DAB1: variants seen among roughly 807,000 people sequenced by gnomAD.
The protein encoded by DAB1 is disabled homolog 1.
Under a neutral mutation model 64.6 loss-of-function variants are expected in DAB1, and 15 were observed. The ratio of observed to expected loss-of-function variants is 0.23; its 90% CI spans 0.16 to 0.36. DAB1 has a LOEUF of 0.36. Among genes scored for constraint, DAB1 ranks in the 10% least tolerant of loss-of-function variants. The probability of loss-of-function intolerance (pLI) is 1.00; values close to 1 mark genes in which losing one functional copy is unlikely to be tolerated. For synonymous variants in DAB1, 235 were observed against 251.9 expected (o/e 0.93, Z 0.64); for missense variants, 596 against 706.7 (o/e 0.84, Z 1.78).
intron 4 of DAB1, among the ~76,000 whole-genome samples, chr1:57,095,752 GGGAA>G (rs1163869061): frequency 6.6e-6 from 1 of 152,088 alleles, no homozygotes; most frequent in Non-Finnish European, 1.5e-5. Flanking sequence ...TAAATAACGT[GGGAA>G]GTAAGGTGGA....
chr1:57,386,390 C>CG (rs1681854278), intron 1 of DAB1, among the ~76,000 whole-genome samples: 2 of 127,110 alleles, frequency 1.6e-5, no homozygotes, highest in South Asian at 5.0e-4. Context: ...AAAAAAAACC[C>CG]GTCTTTTTCA....
intron 3 of DAB1, among the ~76,000 whole-genome samples, chr1:58,391,351 G>A (rs1428517507): frequency 6.6e-6 from 1 of 152,162 alleles, no homozygotes; most frequent in Admixed American, 6.5e-5. Flanking sequence ...CACTGACCAG[G>A]CCTATTTGGA....
intron 7 of DAB1, among the ~76,000 whole-genome samples, chr1:57,453,383 A>G (rs1470194624): frequency 6.6e-6 from 1 of 152,184 alleles, no homozygotes; most frequent in African/African-American, 2.4e-5. Flanking sequence ...CCAATAAGCC[A>G]TTTAAAAAAT....
intron 1 of DAB1, among the ~76,000 whole-genome samples, chr1:57,844,174 C>T (rs1261809129): frequency 1.3e-5 from 2 of 152,232 alleles, no homozygotes; most frequent in East Asian, 1.9e-4. Context: ...ACTCAGCCTA[C>T]CTGATATCCC....
At chr1:57,612,868 G>T (rs564074689) in intron 7 of DAB1, among the ~76,000 whole-genome samples, 1 of 152,096 alleles carries the variant, frequency 6.6e-6, no homozygotes, top group South Asian at 2.1e-4. Flanking sequence ...ATCATAGGAG[G>T]CATTAAAAAA....
At chr1:57,334,951 TAGAAACC>T (rs368270668) in intron 1 of DAB1, among the ~76,000 whole-genome samples, 74 of 152,336 alleles carry the variant, frequency 4.9e-4, no homozygotes, top group African/African-American at 1.8e-3. Flanking sequence ...ATCCCATAGC[TAGAAACC>T]AGAGAACTAA....
chr1:57,973,006 G>A (rs1422422037), intron 5 of DAB1, among the ~76,000 whole-genome samples: 1 of 152,126 alleles, frequency 6.6e-6, no homozygotes, highest in Non-Finnish European at 1.5e-5. Context: ...TATTTATGTT[G>A]CCTTATTTAG....
chr1:57,036,100 A>G (rs918754634), intron 9 of DAB1, among the ~76,000 whole-genome samples: 3 of 136,024 alleles, frequency 2.2e-5, no homozygotes, highest in Non-Finnish European at 4.7e-5. Flanking sequence ...CACCAAGCCC[A>G]GCCCCAATGC....
chr1:57,244,460 C>T (rs1424308290), intron 2 of DAB1, among the ~76,000 whole-genome samples: 1 of 152,116 alleles, frequency 6.6e-6, no homozygotes, highest in Non-Finnish European at 1.5e-5. Flanking sequence ...AGAGTATCAC[C>T]AAATAAACTC....
At chr1:57,918,493 G>A (rs555751922) in intron 5 of DAB1, among the ~76,000 whole-genome samples, 38 of 152,146 alleles carry the variant, frequency 2.5e-4, no homozygotes, top group Admixed American at 1.2e-3. Flanking sequence ...TAATCCAGTC[G>A]TGCCATAGTG....
intron 2 of DAB1, among the ~76,000 whole-genome samples, chr1:57,157,334 G>T (rs561882215): frequency 6.2e-4 from 94 of 152,198 alleles, no homozygotes; most frequent in African/African-American, 2.2e-3. Flanking sequence ...TCACTTCTGT[G>T]CATTAGATAC....
At chr1:57,614,868 C>CTTTCT (rs1645771488) in intron 7 of DAB1, among the ~76,000 whole-genome samples, 4 of 38,742 alleles carry the variant, frequency 1.0e-4, no homozygotes, top group African/African-American at 2.3e-4. Flanking sequence ...TTCTTTCTTT[C>CTTTCT]TTTTTTTTTT....
At chr1:58,035,004 A>G (rs1166307096) in intron 5 of DAB1, among the ~76,000 whole-genome samples, 1 of 152,138 alleles carries the variant, frequency 6.6e-6, no homozygotes, top group Non-Finnish European at 1.5e-5. Context: ...CAGAAGTAAC[A>G]CCCTGTCTTT....
At chr1:57,507,811 T>C (rs886079634) in intron 7 of DAB1, among the ~76,000 whole-genome samples, 8 of 152,168 alleles carry the variant, frequency 5.3e-5, no homozygotes, top group Non-Finnish European at 1.0e-4. Context: ...TAAATTGTCT[T>C]AAATGGGAGG....
At chr1:57,396,422 T>G (rs1271472571) in intron 1 of DAB1, among the ~76,000 whole-genome samples, 1 of 152,204 alleles carries the variant, frequency 6.6e-6, no homozygotes, top group African/African-American at 2.4e-5. Flanking sequence ...CTTCCTAACC[T>G]TTGACACAGA....
intron 5 of DAB1, among the ~76,000 whole-genome samples, chr1:58,113,090 A>G (rs1570366822): frequency 6.6e-6 from 1 of 152,282 alleles, no homozygotes. Context: ...CAAACATGCA[A>G]TTATAGAGCA....
intron 2 of DAB1, among the ~76,000 whole-genome samples, chr1:57,288,937 C>T (rs994500141): frequency 6.6e-6 from 1 of 152,230 alleles, no homozygotes; most frequent in East Asian, 1.9e-4. Flanking sequence ...ATATTATATA[C>T]CCATTTTATA....
chr1:56,998,036 C>CTGA lies in DAB1; in HGVS notation c.*105_*107dup, dbSNP rs1223004448. The CTGA allele has an allele frequency of 6.6e-6, 1 of 152,570 alleles. No individual in the cohort carries two copies. The highest frequency in any genetic ancestry group is 1.5e-5 in the Non-Finnish European group (1 of 68,042). The allele number at this position is 152,570 out of a possible 1,614,324, so 9.5% of individuals were successfully genotyped here. On this transcript the variant is annotated 3_prime_UTR_variant, in exon 15 of 15. Transcript: ENST00000371236. ...GAATACAAGAGAGCCTGTCGTGATG[C>CTGA]TGATGTCCATGCCAGTCTTGAGCAC...
intron 7 of DAB1, among the ~76,000 whole-genome samples, chr1:57,497,995 G>T (rs1192979613): frequency 6.6e-6 from 1 of 152,184 alleles, no homozygotes; most frequent in Non-Finnish European, 1.5e-5. Context: ...AAGCAACAGT[G>T]GTTTGTACAA....
Sources: gnomAD v4.1 joint callset for allele counts (sites outside exome capture counted in the v4.1 genomes callset) on GRCh38, gnomAD v4.1.1 for gene constraint, MANE v1.5 for transcripts, NCBI Gene and HGNC (gene_info 2026-07-23, HGNC 2026-07-21) for gene names.